Variants in KIRREL1 observed in about 807,000 individuals in gnomAD.
The protein encoded by KIRREL1 is kirre like nephrin family adhesion molecule 1.
Under a neutral mutation model 83.3 loss-of-function variants are expected in KIRREL1, and 25 were observed. That is an observed-to-expected ratio of 0.30 (90% CI 0.22 to 0.42). The LOEUF is 0.42. Ranked by LOEUF, KIRREL1 falls within the 10% of genes least tolerant of loss-of-function variation. The pLI, the probability that KIRREL1 is intolerant of heterozygous loss-of-function variation, is 1.00. For synonymous variants in KIRREL1, 388 were observed against 410.4 expected (o/e 0.95, Z 0.66); for missense variants, 812 against 1,032.3 (o/e 0.79, Z 2.92).
At chr1:158,079,735 G>C (rs1661789462) in intron 3 of KIRREL1, among the ~76,000 whole-genome samples, 1 of 152,224 alleles carries the variant, frequency 6.6e-6, no homozygotes, top group Non-Finnish European at 1.5e-5. Context: ...TGGGCACTTT[G>C]GCCATTTTGG....
intron 1 of KIRREL1, among the ~76,000 whole-genome samples, chr1:157,999,737 G>T (rs939357114): frequency 2.0e-5 from 3 of 151,798 alleles, no homozygotes; most frequent in Non-Finnish European, 4.4e-5. Flanking sequence ...GGGTGTGGGG[G>T]TGGGTTGTCA....
At position 158,033,131 on chromosome 1, in the gene KIRREL1, C is replaced by A. The variant is rs183658939; in HGVS notation, c.52+39403C>A. Among the ~76,000 whole-genome samples the A allele has an allele frequency of 2.5e-3, 381 of 152,230 alleles. 3 individuals are homozygous for A. Among genetic ancestry groups the A allele is most frequent in the African/African-American group, 8.9e-3 (368 of 41,548 alleles). On this transcript the variant is annotated intron_variant, in intron 1 of 14. Transcript: ENST00000359209. ...CGCTGTTGTCACCCAGGCTGGAGTG[C>A]AATGGCGCGATCTTGCTGCAACCTC...
rs1221627290 is a variant in KIRREL1 at position 158,073,064 on chromosome 1, C to T, written c.53-3049C>T. ...GCGTTCCTGTAATCATAAGCCAGGT[C>T]GGCATAACCCAGGGGCATCTGAACT... On this transcript the variant is annotated intron_variant, in intron 1 of 14. Coordinates refer to ENST00000359209, the MANE Select transcript of KIRREL1 (RefSeq NM_018240.7). 6.6e-5 allele frequency among the ~76,000 whole-genome samples: 10 copies of T among 152,072 alleles called. No individual in the cohort carries two copies. The South Asian group carries it at 1.9e-3, about 28-fold the overall frequency.
chr1:158,046,557 G>A (rs1265570801), intron 1 of KIRREL1, among the ~76,000 whole-genome samples: 1 of 152,064 alleles, frequency 6.6e-6, no homozygotes, highest in Non-Finnish European at 1.5e-5. Flanking sequence ...TAACAAGGGA[G>A]CGAACCAAGA....
chr1:158,032,171 A>T (rs900193667), intron 1 of KIRREL1, among the ~76,000 whole-genome samples: 2 of 152,216 alleles, frequency 1.3e-5, no homozygotes, highest in African/African-American at 4.8e-5. Flanking sequence ...AATTTAATGT[A>T]TGATGGGAAC....
At chr1:158,048,766 G>A (rs1460468598) in intron 1 of KIRREL1, among the ~76,000 whole-genome samples, 1 of 152,246 alleles carries the variant, frequency 6.6e-6, no homozygotes, top group Non-Finnish European at 1.5e-5. Context: ...GGATGCTGCA[G>A]CAGGAGTGAA....
chr1:158,039,213 G>T (rs1660559097), intron 1 of KIRREL1, among the ~76,000 whole-genome samples: 2 of 152,182 alleles, frequency 1.3e-5, no homozygotes, highest in South Asian at 4.1e-4. Context: ...TGCTGACAAT[G>T]CCTATGTCTT....
intron 11 of KIRREL1, 23 bp from the exon 12 acceptor site, chr1:158,093,316 C>T: frequency 6.3e-7 from 1 of 1,598,458 alleles, no homozygotes; most frequent in Non-Finnish European, 8.6e-7. Context: ...CTCACCCCTC[C>T]ACCTTTCCTT....
At chr1:158,004,170 GGTT>G in intron 1 of KIRREL1, among the ~76,000 whole-genome samples, 1 of 152,136 alleles carries the variant, frequency 6.6e-6, no homozygotes, top group African/African-American at 2.4e-5. Flanking sequence ...TATCTTCTAG[GGTT>G]GTTGTGAGGA....
intron 1 of KIRREL1, among the ~76,000 whole-genome samples, chr1:158,045,234 C>A (rs1660748228): frequency 6.6e-6 from 1 of 152,158 alleles, no homozygotes; most frequent in Admixed American, 6.5e-5. Flanking sequence ...CACTGCCATA[C>A]CTTCCCCTAG....
At position 158,095,574 on chromosome 1, in the gene KIRREL1, G is replaced by C. The variant is rs985669198; in HGVS notation, c.*454G>C. 3 of 158,504 alleles carry C rather than the reference G, an allele frequency of 1.9e-5. No homozygotes were observed. The highest frequency in any genetic ancestry group is 4.1e-5 in the Non-Finnish European group (3 of 72,768). The allele number at this position is 158,504 out of a possible 1,614,324, so 9.8% of individuals were successfully genotyped here. A position where few individuals can be genotyped will look rare whatever the true frequency, so the allele number is the denominator to read the frequency against. On this transcript the variant is annotated 3_prime_UTR_variant, in exon 15 of 15. Transcript: ENST00000359209. Reference sequence around the variant, plus strand: ...GACAGGTGGAAAACGGGATAGCCTGGCCAGTCCCTCTGTTGTCTGCATTCG... The same window carrying C: ...GACAGGTGGAAAACGGGATAGCCTGCCCAGTCCCTCTGTTGTCTGCATTCG...
In KIRREL1 at chr1:158,099,539, C is replaced by T. The variant is rs1232105790; in HGVS notation, c.*4419C>T. 2.0e-5 allele frequency: 3 copies of T among 152,070 alleles called. No homozygotes were observed. Among genetic ancestry groups the T allele is most frequent in the African/African-American group, 7.2e-5 (3 of 41,380 alleles). 9.4% of individuals were successfully genotyped at this position (152,070 alleles called of 1,614,324 possible). ...AGTGGGGAATCCCATTTTTTTGCAT[C>T]ACTGTGAGGTAGCTTCAGGCCCTGT... On this transcript the variant is annotated 3_prime_UTR_variant, in exon 15 of 15. Transcript: ENST00000359209.
chr1:158,067,330 C>A (rs1007100315), intron 1 of KIRREL1, among the ~76,000 whole-genome samples: 1 of 152,210 alleles, frequency 6.6e-6, no homozygotes, highest in Non-Finnish European at 1.5e-5. Context: ...GATACCTCAT[C>A]TGGGTCCTCA....
intron 1 of KIRREL1, among the ~76,000 whole-genome samples, chr1:158,036,458 AG>A (rs1660478211): frequency 6.6e-6 from 1 of 152,214 alleles, no homozygotes; most frequent in African/African-American, 2.4e-5. Flanking sequence ...AACAGAAAGC[AG>A]TCCACTATGT....
chr1:158,055,261 A>G (rs1661022626), intron 1 of KIRREL1, among the ~76,000 whole-genome samples: 1 of 152,112 alleles, frequency 6.6e-6, no homozygotes, highest in Non-Finnish European at 1.5e-5. Flanking sequence ...CAGAGCTCCT[A>G]GAGCCTGACT....
At chr1:158,064,734 T>C (rs1661314852) in intron 1 of KIRREL1, among the ~76,000 whole-genome samples, 1 of 152,128 alleles carries the variant, frequency 6.6e-6, no homozygotes, top group Non-Finnish European at 1.5e-5. Context: ...ACCTGTGTTA[T>C]GGGCATGTCT....
intron 1 of KIRREL1, among the ~76,000 whole-genome samples, chr1:158,012,410 A>G (rs894097686): frequency 1.3e-5 from 2 of 152,120 alleles, no homozygotes; most frequent in Non-Finnish European, 2.9e-5. Flanking sequence ...GTAGGAGAAC[A>G]GTGGCATCTG....
rs1356608317 is a variant in KIRREL1 at position 158,099,862 on chromosome 1, T to A, written c.*4742T>A. The A allele has an allele frequency of 1.3e-5, 2 of 151,962 alleles. No individual in the cohort carries two copies. Among genetic ancestry groups the A allele is most frequent in the Non-Finnish European group, 2.9e-5 (2 of 68,004 alleles). The allele number at this position is 151,962 out of a possible 1,614,324, so 9.4% of individuals were successfully genotyped here. A position where few individuals can be genotyped will look rare whatever the true frequency, so the allele number is the denominator to read the frequency against. On this transcript the variant is annotated 3_prime_UTR_variant, in exon 15 of 15. Transcript: ENST00000359209. The stretch of plus-strand genomic sequence containing the variant: ...AGCCAAAATCCCAATACAGTAAAAC[T>A]CCACACAATCTTGTTAGCAACAGTG...
intron 1 of KIRREL1, among the ~76,000 whole-genome samples, chr1:158,034,926 A>G (rs887833684): frequency 6.6e-6 from 1 of 152,222 alleles, no homozygotes; most frequent in Non-Finnish European, 1.5e-5. Flanking sequence ...GAGGCAAGCT[A>G]GAAAAAAAAT....
Sources: gnomAD v4.1 joint callset for allele counts (sites outside exome capture counted in the v4.1 genomes callset) on GRCh38, gnomAD v4.1.1 for gene constraint, MANE v1.5 for transcripts, NCBI Gene and HGNC (gene_info 2026-07-23, HGNC 2026-07-21) for gene names.